SLC68A1: variants seen among roughly 807,000 people sequenced by gnomAD.
The protein encoded by SLC68A1 is major facilitator superfamily domain containing 13A.
chr10:102,470,892 C>G, the SLC68A1 span: 1 of 1,613,268 alleles, frequency 6.2e-7, no homozygotes, highest in Middle Eastern at 1.6e-4. Context: ...CACGACCGCA[C>G]CCACCTCAAC....
chr10:102,464,899 A>C, the SLC68A1 span, among the ~76,000 whole-genome samples: 2 of 151,716 alleles, frequency 1.3e-5, no homozygotes, highest in African/African-American at 4.8e-5. Context: ...CAGGTAAATC[A>C]CTTGAGGTCA....
At chr10:102,473,118 G>A in the SLC68A1 span, 5 of 643,464 alleles carry the variant, frequency 7.8e-6, no homozygotes, top group East Asian at 8.3e-5. Context: ...GAGCCACTGC[G>A]CCCAGCCAGG....
chr10:102,463,373 G>T, the SLC68A1 span, among the ~76,000 whole-genome samples: 1 of 152,058 alleles, frequency 6.6e-6, no homozygotes, highest in African/African-American at 2.4e-5. Context: ...AGGTTTCATC[G>T]TGTTAGCCAG....
At chr10:102,464,789 C>CAAAA in the SLC68A1 span, among the ~76,000 whole-genome samples, 14 of 120,600 alleles carry the variant, frequency 1.2e-4, no homozygotes, top group South Asian at 8.5e-4. Context: ...GACTCTGTCT[C>CAAAA]AAAAAAAAAA....
the SLC68A1 span, chr10:102,469,791 C>T: frequency 7.2e-6 from 7 of 965,716 alleles, no homozygotes; most frequent in African/African-American, 1.8e-5. Flanking sequence ...AGGTGATCCA[C>T]CTGCCTCGGC....
At chr10:102,470,925 C>T in the SLC68A1 span, 27 of 1,613,344 alleles carry the variant, frequency 1.7e-5, no homozygotes, top group South Asian at 7.7e-5. Context: ...CTCTTCAGCG[C>T]GGCCGGCTCC....
the SLC68A1 span, among the ~76,000 whole-genome samples, chr10:102,475,220 T>C: frequency 1.3e-5 from 2 of 151,782 alleles, no homozygotes; most frequent in Middle Eastern, 3.4e-3. Flanking sequence ...CGCTTGAAAC[T>C]GGGAGGCCGA....
the SLC68A1 span, chr10:102,470,036 G>T: frequency 6.2e-7 from 1 of 1,614,084 alleles, no homozygotes; most frequent in Non-Finnish European, 8.5e-7. Flanking sequence ...CCCCTCTTCG[G>T]TTGGCTCAGT....
At chr10:102,466,945 C>T in the SLC68A1 span, among the ~76,000 whole-genome samples, 24 of 152,328 alleles carry the variant, frequency 1.6e-4, no homozygotes, top group African/African-American at 4.1e-4. Flanking sequence ...CCCTGTGTGG[C>T]GGGCATGGGG....
the SLC68A1 span, chr10:102,469,111 A>ATCCTGCACAATGTCT: frequency 6.2e-7 from 1 of 1,614,134 alleles, no homozygotes; most frequent in Non-Finnish European, 8.5e-7. Context: ...CTTCACCACC[A>ATCCTGCACAATGTCT]TCCTGCACAA....
chr10:102,469,276 T>C, the SLC68A1 span: 1 of 1,448,794 alleles, frequency 6.9e-7, no homozygotes, highest in Non-Finnish European at 9.6e-7. Flanking sequence ...CTGGGCAGAT[T>C]GCAGGTGCCT....
At chr10:102,472,847 G>T in the SLC68A1 span, 27 of 1,613,236 alleles carry the variant, frequency 1.7e-5, 2 homozygotes, top group Admixed American at 3.8e-4. Flanking sequence ...TCCCTGTCGG[G>T]TTGCAGGTCT....
the SLC68A1 span, chr10:102,470,829 C>A: frequency 1.2e-6 from 2 of 1,613,576 alleles, no homozygotes; most frequent in Non-Finnish European, 1.7e-6. Context: ...GGCTTCCTGA[C>A]GCTCGTGGAC....
At chr10:102,472,046 C>A in the SLC68A1 span, 2 of 455,734 alleles carry the variant, frequency 4.4e-6, no homozygotes, top group African/African-American at 2.0e-5. Context: ...GCCTGTAATC[C>A]CAGCACTTCG....
chr10:102,471,310 G>A, the SLC68A1 span: 2 of 1,613,968 alleles, frequency 1.2e-6, no homozygotes, highest in South Asian at 2.2e-5. Flanking sequence ...CAGTGAGGAG[G>A]CGGACAGCAT....
chr10:102,470,656 C>T, the SLC68A1 span: 1 of 1,602,916 alleles, frequency 6.2e-7, no homozygotes, highest in Non-Finnish European at 8.5e-7. Context: ...ACTCTCCTTT[C>T]CCCGGCAGGT....
the SLC68A1 span, among the ~76,000 whole-genome samples, chr10:102,463,870 G>A: frequency 6.6e-6 from 1 of 152,092 alleles, no homozygotes; most frequent in Non-Finnish European, 1.5e-5. Flanking sequence ...GGTATCTTAG[G>A]TGACAGGAAC....
the SLC68A1 span, chr10:102,469,975 T>C: frequency 1.2e-6 from 2 of 1,612,568 alleles, no homozygotes; most frequent in South Asian, 1.1e-5. Context: ...CACCTTCCTG[T>C]CTCCCCTCTG....
chr10:102,461,611 GGA>G, the SLC68A1 span, among the ~76,000 whole-genome samples: 3 of 152,110 alleles, frequency 2.0e-5, no homozygotes, highest in African/African-American at 7.2e-5. Context: ...TTGTGGATTG[GGA>G]GAGTTGTGTG....
Sources: gnomAD v4.1 joint callset for allele counts (sites outside exome capture counted in the v4.1 genomes callset) on GRCh38, gnomAD v4.1.1 for gene constraint, MANE v1.5 for transcripts, NCBI Gene and HGNC (gene_info 2026-07-23, HGNC 2026-07-21) for gene names.